The following ZNF74 variants were observed in gnomAD, a reference collection of about 807,000 sequenced individuals.
ZNF74 encodes the protein zinc finger protein 74, also known as zinc finger protein 520.
A neutral mutation model predicts 17.7 loss-of-function variants in ZNF74; 12 were observed. The ratio of observed to expected loss-of-function variants is 0.68; its 90% CI spans 0.43 to 1.10. ZNF74 has a LOEUF of 1.10. ZNF74 is among the 50% of genes least tolerant of loss of function. The pLI, the probability that ZNF74 is intolerant of heterozygous loss-of-function variation, is 0.00. For synonymous variants in ZNF74, 358 were observed against 362.1 expected (o/e 0.99, Z 0.13); for missense variants, 811 against 881.0 (o/e 0.92, Z 1.01).
chr22:20,402,134 A>C (rs1294401773), intron 4 of ZNF74, among the ~76,000 whole-genome samples: 1 of 152,210 alleles, frequency 6.6e-6, no homozygotes, highest in Non-Finnish European at 1.5e-5. Context: ...AAGCTCGAGA[A>C]ACACCTTTCT....
intron 3 of ZNF74, 183 bp downstream of exon 3, chr22:20,400,941 C>A: frequency 1.5e-6 from 1 of 678,322 alleles, no homozygotes; most frequent in Non-Finnish European, 2.5e-6. Flanking sequence ...CCCCAAGGGA[C>A]AGCGTGGGAG....
In ZNF74 at chr22:20,405,879, C is replaced by T. The variant is rs766429348; in HGVS notation, c.846C>T (p.Gly282=). 20 of 1,613,752 alleles carry T rather than the reference C, an allele frequency of 1.2e-5. No homozygotes were observed. Among genetic ancestry groups the T allele is most frequent in the Non-Finnish European group, 1.7e-5 (20 of 1,179,918 alleles). The part of the protein sequence containing the change: ...REKAYKCDEC[G]KAFTWSTNLL... ...AGGCTTACAAGTGCGATGAATGCGG[C>T]AAGGCCTTCACCTGGAGCACCAACC... is the stretch of plus-strand genomic sequence containing the variant. Residue 282 remains glycine, a synonymous_variant, in exon 5 of 5, where the codon GGC becomes GGT. Coordinates refer to ENST00000400451, the MANE Select transcript of ZNF74 (RefSeq NM_003426.4).
chr22:20,406,724 T>G lies in ZNF74; in HGVS notation c.1691T>G (p.Met564Arg), dbSNP rs1458282944. The change falls in exon 5 of 5, where the codon ATG (methionine) becomes AGG (arginine). Residue 564 changes from methionine to arginine, a missense_variant. Transcript: ENST00000400451. ...TTTAAGTGTGAGAAATGTGGGGAGA[T>G]GTTCAACTGGAGCTCGCACCTCACT... The part of the protein sequence containing the change: ...KSFKCEKCGE[M>R]FNWSSHLTEH... 6.2e-7 allele frequency: 1 copy of G among 1,614,118 alleles called. No individual in the cohort carries two copies. The highest frequency in any genetic ancestry group is 1.7e-5 in the Admixed American group (1 of 60,016).
rs1279057127 is a variant in ZNF74 at position 20,394,169 on chromosome 22, T to A, written c.-460T>A. On this transcript the variant is annotated 5_prime_UTR_variant, in exon 1 of 5. Coordinates refer to ENST00000400451, the MANE Select transcript of ZNF74 (RefSeq NM_003426.4). The stretch of plus-strand genomic sequence containing the variant: ...CTTTCCCGCAGCGGCCGCCTGCTGC[T>A]CTTTGTGGCAGTCGCAGTCCTTTTG... 4 of 620,934 alleles carry A rather than the reference T, an allele frequency of 6.4e-6. No homozygotes were observed. Among genetic ancestry groups the A allele is most frequent in the African/African-American group, 1.9e-5 (1 of 52,078 alleles). The allele number at this position is 620,934 out of a possible 1,614,324, so 38.5% of individuals were successfully genotyped here. A position where few individuals can be genotyped will look rare whatever the true frequency, so the allele number is the denominator to read the frequency against.
Position 20,394,562 on chromosome 22 carries a change from G to A in ZNF74, c.-67G>A. The A allele has an allele frequency of 1.9e-6, 3 of 1,575,460 alleles. No individual in the cohort carries two copies. Among genetic ancestry groups the A allele is most frequent in the Non-Finnish European group, 2.6e-6 (3 of 1,145,376 alleles). The stretch of plus-strand genomic sequence containing the variant: ...CCCCAGGAGCAGTACTCGCTCTTCA[G>A]GGCCTGCCCTGGATCCTGGAGGCTA... On this transcript the variant is annotated 5_prime_UTR_variant, in exon 1 of 5. Transcript: ENST00000400451.
chr22:20,400,334 C>A, intron 2 of ZNF74: 1 of 355,804 alleles, frequency 2.8e-6, no homozygotes, highest in Middle Eastern at 8.8e-4. Flanking sequence ...GAGCCTGATA[C>A]AACAGCCATG....
chr22:20,395,156 G>A lies in ZNF74; in HGVS notation c.35-177G>A, dbSNP rs115468624. 1.9e-3 allele frequency: 1,091 copies of A among 570,740 alleles called. 12 individuals carry two copies. Among genetic ancestry groups the A allele is most frequent in the African/African-American group, 0.018 (964 of 53,492 alleles). 35.4% of individuals were successfully genotyped at this position (570,740 alleles called of 1,614,324 possible). A position where few individuals can be genotyped will look rare whatever the true frequency, so the allele number is the denominator to read the frequency against. ...CATGAATTGGAGTGTCTGAGACACA[G>A]GCAGATTATTCCTCGATGCTGTTTC... On this transcript the variant is annotated intron_variant, in intron 1 of 4. Transcript: ENST00000400451.
intron 2 of ZNF74, among the ~76,000 whole-genome samples, chr22:20,397,670 G>T (rs976372075): frequency 3.9e-5 from 6 of 152,130 alleles, no homozygotes; most frequent in Non-Finnish European, 5.9e-5. Context: ...ATGCTTTTGA[G>T]TTTATCCATA....
chr22:20,400,889 C>G, intron 3 of ZNF74, 131 bp downstream of exon 3: 1 of 1,177,080 alleles, frequency 8.5e-7, no homozygotes, highest in South Asian at 1.5e-5. Context: ...AGGCCTGTGC[C>G]TTGGGGCACT....
At position 20,406,824 on chromosome 22, in the gene ZNF74, C is replaced by T. The variant is rs1182682624; in HGVS notation, c.1791C>T (p.Tyr597=). 14 of 1,613,950 alleles carry T rather than the reference C, an allele frequency of 8.7e-6. No individual in the cohort carries two copies. The highest frequency in any genetic ancestry group is 1.7e-5 in the Admixed American group (1 of 60,016). Residue 597 remains tyrosine (Y), a synonymous_variant, in exon 5 of 5, where the codon TAC becomes TAT. Coordinates refer to ENST00000400451, the MANE Select transcript of ZNF74 (RefSeq NM_003426.4). ...ACAAACACCTGCTCAGCACATACTA[C>T]GTGCCTGGCAGCCTGCTGGGTGCAG... ...QFNKHLLSTY[Y]VPGSLLGAGD...
At position 20,394,401 on chromosome 22, in the gene ZNF74, C is replaced by T. The variant is rs2052267487; in HGVS notation, c.-228C>T. The stretch of plus-strand genomic sequence containing the variant: ...GAGTGCGCCGAGCATGGGGCTGAGC[C>T]TGGTGTGGGGAGTGGGTATCTGCGG... On this transcript the variant is annotated 5_prime_UTR_variant, in exon 1 of 5. Transcript: ENST00000400451. 2 of 656,826 alleles carry T rather than the reference C, an allele frequency of 3.0e-6. No homozygotes were observed. Among genetic ancestry groups the T allele is most frequent in the Non-Finnish European group, 5.6e-6 (2 of 359,806 alleles). 40.7% of individuals were successfully genotyped at this position (656,826 alleles called of 1,614,324 possible). A position where few individuals can be genotyped will look rare whatever the true frequency, so the allele number is the denominator to read the frequency against.
intron 1 of ZNF74, 104 bp downstream of exon 1, chr22:20,394,766 T>TC: frequency 8.1e-7 from 1 of 1,235,302 alleles, no homozygotes; most frequent in South Asian, 1.3e-5. Flanking sequence ...AGCATCTTTT[T>TC]TTTTTTTTTT....
intron 3 of ZNF74, 155 bp downstream of exon 3, chr22:20,400,913 C>A: frequency 1.1e-6 from 1 of 884,610 alleles, no homozygotes; most frequent in Non-Finnish European, 1.7e-6. Context: ...GGCCAGGGGC[C>A]TCGGCCACGC....
intron 2 of ZNF74, among the ~76,000 whole-genome samples, chr22:20,396,787 C>T (rs1049768881): frequency 3.3e-5 from 5 of 152,210 alleles, no homozygotes; most frequent in African/African-American, 4.8e-5. Context: ...CCTGGGACAT[C>T]TTGTGTGGTC....
At chr22:20,400,446 C>T in intron 2 of ZNF74, 186 bp from the exon 3 acceptor site, 1 of 635,344 alleles carries the variant, frequency 1.6e-6, no homozygotes, top group Non-Finnish European at 2.8e-6. Flanking sequence ...TGCCAATTCC[C>T]AGCCCCCCTC....
rs1390287882 is a variant in ZNF74, at chr22:20,395,330, C to T, written c.35-3C>T. 1 of 1,594,478 alleles carries T rather than the reference C, an allele frequency of 6.3e-7. No individual in the cohort carries two copies. Among genetic ancestry groups the T allele is most frequent in the South Asian group, 1.1e-5 (1 of 89,904 alleles). On this transcript the variant is annotated splice_region_variant and splice_polypyrimidine_tract_variant and intron_variant, in intron 1 of 4. Transcript: ENST00000400451. ...TGACCTTGACTCATTTCTCCTTCGCCAGCTCTTTCCTCTCAGGATCCTGCT... is the reference window on the plus strand; with the variant it reads ...TGACCTTGACTCATTTCTCCTTCGCTAGCTCTTTCCTCTCAGGATCCTGCT...
At position 20,406,999 on chromosome 22, in the gene ZNF74, TC is replaced by T; in HGVS notation, c.*32del. The stretch of plus-strand genomic sequence containing the variant: ...TGTGCTTTGGTGTCAGTAGCTGCTT[TC>T]TGAGCTACTCAACAAGGAAAGCACC... On this transcript the variant is annotated 3_prime_UTR_variant, in exon 5 of 5. Coordinates refer to ENST00000400451, the MANE Select transcript of ZNF74 (RefSeq NM_003426.4). The T allele has an allele frequency of 1.9e-6, 3 of 1,574,342 alleles. No homozygotes were observed. Among genetic ancestry groups the T allele is most frequent in the Non-Finnish European group, 2.6e-6 (3 of 1,159,994 alleles).
At position 20,405,762 on chromosome 22, in the gene ZNF74, C is replaced by T. The variant is rs770396197; in HGVS notation, c.729C>T (p.Ala243=). The T allele has an allele frequency of 1.9e-6, 3 of 1,606,486 alleles. No homozygotes were observed. Among genetic ancestry groups the T allele is most frequent in the Non-Finnish European group, 2.5e-6 (3 of 1,177,014 alleles). ...TGCGCCGGCAGCGCGGGGCGGGCGC[C>T]GGGGAGGGCGAGTTCGTGTGCGGCG... The part of the protein sequence containing the change: ...PQVRRQRGAG[A]GEGEFVCGEC... Residue 243 remains alanine, a synonymous_variant, in exon 5 of 5, where the codon GCC becomes GCT. Coordinates refer to ENST00000400451, the MANE Select transcript of ZNF74 (RefSeq NM_003426.4).
At position 20,401,519 on chromosome 22, in the gene ZNF74, C is replaced by T; in HGVS notation, c.343+147C>T. 1.6e-6 allele frequency: 1 copy of T among 637,648 alleles called. No homozygotes were observed. Among genetic ancestry groups the T allele is most frequent in the Non-Finnish European group, 2.8e-6 (1 of 353,064 alleles). 39.5% of individuals were successfully genotyped at this position (637,648 alleles called of 1,614,324 possible). A position where few individuals can be genotyped will look rare whatever the true frequency, so the allele number is the denominator to read the frequency against. ...CCAGACCCTCCTGCCTGCCTCCCTT[C>T]AGCACGTACTGAGCACTGCCTGTGT... is the stretch of plus-strand genomic sequence containing the variant. On this transcript the variant is annotated intron_variant, in intron 4 of 4. Transcript: ENST00000400451. This position sits in a 1 kb window ranked among gnomAD's most constrained non-coding sequence, Gnocchi z 4.2.
Sources: allele counts gnomAD v4.1 joint callset (sites outside exome capture counted in the v4.1 genomes callset), GRCh38; gene constraint gnomAD v4.1.1; non-coding constraint Gnocchi (gnomAD v3.1); transcripts MANE v1.5; gene names NCBI Gene and HGNC (gene_info 2026-07-23, HGNC 2026-07-21).